Variants in TMEM132D observed in about 807,000 individuals in gnomAD.
TMEM132D encodes transmembrane protein 132D.
A neutral mutation model predicts 62.3 loss-of-function variants in TMEM132D; 21 were observed. That is an observed-to-expected ratio of 0.34 (90% CI 0.24 to 0.49). The LOEUF (loss-of-function observed/expected upper bound fraction) is 0.49. Among genes scored for constraint, TMEM132D ranks in the 20% least tolerant of loss-of-function variants. The pLI is 0.99. For synonymous variants in TMEM132D, 621 were observed against 575.6 expected, an observed-to-expected ratio of 1.08 and a Z score of -1.13; for missense variants, 1,346 against 1,402.8, an observed-to-expected ratio of 0.96 and a Z score of 0.65.
intron 2 of TMEM132D, among the ~76,000 whole-genome samples, chr12:129,579,550 C>T (rs1187497444): frequency 1.3e-5 from 2 of 152,146 alleles, no homozygotes; most frequent in Non-Finnish European, 2.9e-5. Context: ...CCCTGGCAAA[C>T]CAGTGGTGTA....
intron 1 of TMEM132D, among the ~76,000 whole-genome samples, chr12:129,720,940 CT>C (rs1400113731): frequency 6.6e-6 from 1 of 152,220 alleles, no homozygotes; most frequent in Non-Finnish European, 1.5e-5. Context: ...ACCATGGGCA[CT>C]GCCCTCCAGG....
intron 8 of TMEM132D, 143 bp from the exon 9 acceptor site, chr12:129,075,202 A>G (rs754809879): frequency 2.6e-5 from 18 of 681,722 alleles, no homozygotes; most frequent in Non-Finnish European, 3.8e-5. Context: ...ATAAGCGATA[A>G]GAAGTACCAA....
At chr12:129,415,646 T>C (rs1295307935) in intron 3 of TMEM132D, among the ~76,000 whole-genome samples, 1 of 152,158 alleles carries the variant, frequency 6.6e-6, no homozygotes, top group East Asian at 1.9e-4. Flanking sequence ...GCACATCCCA[T>C]CTGCTCAGGT....
intron 4 of TMEM132D, among the ~76,000 whole-genome samples, chr12:129,252,140 G>C (rs1026375486): frequency 3.3e-5 from 5 of 152,210 alleles, no homozygotes; most frequent in African/African-American, 4.8e-5. Flanking sequence ...GAGTAGTTAA[G>C]ATCCTTTCTG....
In TMEM132D at chr12:129,700,085, G is replaced by A; in HGVS notation, c.693C>T (p.His231=). The change falls in exon 2 of 9, where the codon CAC becomes CAT. Residue 231 remains histidine, a synonymous_variant. Transcript: ENST00000422113. ...CGCAGTCCCCTCTCTCACCCCCTGG[G>A]TGCACGGTGTAGTAGAGCTCCACGG... is the stretch of plus-strand genomic sequence containing the variant. The part of the protein sequence containing the change: ...GTPVELYYTV[H]PGGERGDCVR... 1 of 1,613,642 alleles carries A rather than the reference G, an allele frequency of 6.2e-7. No individual in the cohort carries two copies. Among genetic ancestry groups the A allele is most frequent in the African/African-American group, 1.3e-5 (1 of 75,048 alleles).
chr12:129,102,518 G>GCA (rs1001137970), intron 5 of TMEM132D, among the ~76,000 whole-genome samples: 138 of 148,036 alleles, frequency 9.3e-4, no homozygotes, highest in African/African-American at 3.4e-3. Context: ...ACGCACACAC[G>GCA]CACACACACA....
chr12:129,346,993 CT>C (rs1298946312), intron 3 of TMEM132D, among the ~76,000 whole-genome samples: 1 of 152,160 alleles, frequency 6.6e-6, no homozygotes, highest in Non-Finnish European at 1.5e-5. Context: ...AGGAATACAA[CT>C]TATGAGGGAC....
intron 5 of TMEM132D, among the ~76,000 whole-genome samples, chr12:129,200,595 A>G (rs1878676050): frequency 6.6e-6 from 1 of 152,188 alleles, no homozygotes; most frequent in South Asian, 2.1e-4. Flanking sequence ...GAGTTATAGG[A>G]TCTGCAGGTG....
intron 1 of TMEM132D, among the ~76,000 whole-genome samples, chr12:129,747,186 C>G (rs1869817325): frequency 7.0e-6 from 1 of 143,452 alleles, no homozygotes. Context: ...CTCTCCTTCT[C>G]CCTCCTCCCT....
chr12:129,600,566 G>T (rs1398630901), intron 2 of TMEM132D, among the ~76,000 whole-genome samples: 2 of 152,198 alleles, frequency 1.3e-5, no homozygotes, highest in Non-Finnish European at 2.9e-5. Context: ...GGCAGCCATA[G>T]CCTTATCAAA....
At chr12:129,429,990 C>T (rs1043050709) in intron 3 of TMEM132D, among the ~76,000 whole-genome samples, 1 of 152,154 alleles carries the variant, frequency 6.6e-6, no homozygotes, top group South Asian at 2.1e-4. Context: ...TGTTGTTGGA[C>T]ATTTGGGTTA....
intron 1 of TMEM132D, among the ~76,000 whole-genome samples, chr12:129,768,699 G>T (rs554624314): frequency 6.6e-6 from 1 of 152,292 alleles, no homozygotes; most frequent in South Asian, 2.1e-4. Flanking sequence ...GTGCTGGGGA[G>T]CCTGATGGCC....
chr12:129,712,644 A>T (rs939952397), intron 1 of TMEM132D, among the ~76,000 whole-genome samples: 1 of 152,180 alleles, frequency 6.6e-6, no homozygotes, highest in Non-Finnish European at 1.5e-5. Flanking sequence ...ACTGACTTTT[A>T]AATTTCAATT....
intron 3 of TMEM132D, among the ~76,000 whole-genome samples, chr12:129,357,600 AAG>A (rs1870113915): frequency 6.6e-6 from 1 of 152,014 alleles, no homozygotes; most frequent in Admixed American, 6.6e-5. Context: ...AAAGGAGAGA[AAG>A]AAAAAGAAAG....
intron 2 of TMEM132D, among the ~76,000 whole-genome samples, chr12:129,648,620 A>G (rs1879847584): frequency 6.6e-6 from 1 of 152,224 alleles, no homozygotes; most frequent in Admixed American, 6.5e-5. Context: ...GCATTAAAAA[A>G]TATTTATTGA....
At chr12:129,331,746 A>G (rs1011644506) in intron 4 of TMEM132D, among the ~76,000 whole-genome samples, 8 of 152,354 alleles carry the variant, frequency 5.3e-5, no homozygotes, top group African/African-American at 1.9e-4. Context: ...GATAAAGTAT[A>G]TACCTATCAG....
rs1565972138 is a variant in TMEM132D, at chr12:129,125,499, A to ATTTTTTTT, written c.1444-40798_1444-40797insAAAAAAAA. On this transcript the variant is annotated intron_variant, in intron 5 of 8. Coordinates refer to ENST00000422113, the MANE Select transcript of TMEM132D (RefSeq NM_133448.3). ...GATGTGACGATGTCGAATTACTATG[A>ATTTTTTTT]GTTTTTTTTTTTTTTTTTTTTTTGA... Among the ~76,000 whole-genome samples, 4 of 127,834 alleles carry ATTTTTTTT rather than the reference A, an allele frequency of 3.1e-5. 1 individual carries two copies. The highest frequency in any genetic ancestry group is 4.8e-5 in the Non-Finnish European group (3 of 61,894). 83.9% of individuals were successfully genotyped at this position (127,834 alleles called of 152,430 possible).
chr12:129,264,674 C>T (rs1880639573), intron 4 of TMEM132D, among the ~76,000 whole-genome samples: 1 of 152,140 alleles, frequency 6.6e-6, no homozygotes, highest in African/African-American at 2.4e-5. Context: ...ACCCAAATGC[C>T]CATCAATCAA....
At chr12:129,841,680 A>G (rs980444545) in intron 1 of TMEM132D, among the ~76,000 whole-genome samples, 77 of 152,320 alleles carry the variant, frequency 5.1e-4, no homozygotes, top group African/African-American at 1.8e-3. Context: ...CAGATGGAGA[A>G]CTCAACGACG....
Sources: gnomAD v4.1 joint callset for allele counts (sites outside exome capture counted in the v4.1 genomes callset) on GRCh38, gnomAD v4.1.1 for gene constraint, MANE v1.5 for transcripts, NCBI Gene and HGNC (gene_info 2026-07-23, HGNC 2026-07-21) for gene names.